Variants in NYAP1 observed in about 807,000 individuals in gnomAD.
NYAP1 encodes the protein neuronal tyrosine-phosphorylated phosphoinositide-3-kinase adapter 1.
NYAP1 carries 20 observed loss-of-function variants against 58.6 expected under a neutral mutation model. That is an observed-to-expected ratio of 0.34 (90% CI 0.24 to 0.50). NYAP1 has a LOEUF of 0.50. Ranked by LOEUF, NYAP1 falls within the 20% of genes least tolerant of loss-of-function variation. The pLI is 0.98. For missense variants in NYAP1, 1,150 were observed against 1,194.5 expected (o/e 0.96, Z 0.55); for synonymous variants, 572 against 523.1 (o/e 1.09, Z -1.27).
chr7:100,494,068 C>T lies in NYAP1; in HGVS notation c.*165C>T. The T allele has an allele frequency of 1.6e-6, 1 of 618,510 alleles. No homozygotes were observed. Among genetic ancestry groups the T allele is most frequent in the Non-Finnish European group, 2.6e-6 (1 of 383,202 alleles). The allele number at this position is 618,510 out of a possible 1,614,324, so 38.3% of individuals were successfully genotyped here. A position where few individuals can be genotyped will look rare whatever the true frequency, so the allele number is the denominator to read the frequency against. On this transcript the variant is annotated 3_prime_UTR_variant, in exon 7 of 7. Coordinates refer to ENST00000300179, the MANE Select transcript of NYAP1 (RefSeq NM_173564.4). ...CCGGGATGGGGAGAGTCTGCCAGGC[C>T]CATTGGGCTTAGGATGCCAACAGCG...
chr7:100,491,183 G>C (rs1799792055), intron 6 of NYAP1, 88 bp downstream of exon 6: 1 of 868,390 alleles, frequency 1.2e-6, no homozygotes, highest in Non-Finnish European at 1.8e-6. Flanking sequence ...GCCAGGGCTG[G>C]GCACAGTGGC....
At position 100,494,200 on chromosome 7, in the gene NYAP1, A is replaced by G. The variant is rs1013536726; in HGVS notation, c.*297A>G. ...TACACCCCTCCTCCTGAACCAAGCCAGAGGTCAGCATGGGGAAGGGAGGAA... is the reference window on the plus strand; with the variant it reads ...TACACCCCTCCTCCTGAACCAAGCCGGAGGTCAGCATGGGGAAGGGAGGAA... On this transcript the variant is annotated 3_prime_UTR_variant, in exon 7 of 7. Transcript: ENST00000300179. 7 of 348,734 alleles carry G rather than the reference A, an allele frequency of 2.0e-5. No individual in the cohort carries two copies. Among genetic ancestry groups the G allele is most frequent in the Non-Finnish European group, 3.6e-5 (7 of 193,514 alleles). 21.6% of individuals were successfully genotyped at this position (348,734 alleles called of 1,614,324 possible). A position where few individuals can be genotyped will look rare whatever the true frequency, so the allele number is the denominator to read the frequency against.
rs984961281 is a variant in NYAP1 at position 100,490,887 on chromosome 7, G to C, written c.2159-99G>C. 4.7e-6 allele frequency: 5 copies of C among 1,074,716 alleles called. No individual in the cohort carries two copies. The highest frequency in any genetic ancestry group is 6.7e-6 in the Non-Finnish European group (5 of 749,398). The allele number at this position is 1,074,716 out of a possible 1,614,324, so 66.6% of individuals were successfully genotyped here. A position where few individuals can be genotyped will look rare whatever the true frequency, so the allele number is the denominator to read the frequency against. Reference sequence around the variant, plus strand: ...TCCACCCCTTTTTCCCTTCTGATGAGGCAGGGGCAGCCTGGACCATTCAAG... The same window carrying C: ...TCCACCCCTTTTTCCCTTCTGATGACGCAGGGGCAGCCTGGACCATTCAAG... On this transcript the variant is annotated intron_variant, in intron 5 of 6. Transcript: ENST00000300179. This position sits in a 1 kb window ranked among gnomAD's most constrained non-coding sequence, Gnocchi z 4.6.
chr7:100,493,462 T>A (rs1487629444), intron 6 of NYAP1, among the ~76,000 whole-genome samples, 184 bp from the exon 7 acceptor site: 2 of 152,210 alleles, frequency 1.3e-5, no homozygotes, highest in Non-Finnish European at 2.9e-5. Context: ...GGGCCAAAGC[T>A]GCGCAAGTTG....
At position 100,487,504 on chromosome 7, in the gene NYAP1, G is replaced by A. The variant is rs1473145324; in HGVS notation, c.430+322G>A. On this transcript the variant is annotated intron_variant, in intron 3 of 6. Coordinates refer to ENST00000300179, the MANE Select transcript of NYAP1 (RefSeq NM_173564.4). The surrounding 1 kb of genome is among the most constrained non-coding windows in gnomAD (Gnocchi z 4.1). ...CCCGTGGCTCACGCCCGTAATCTCA[G>A]CACTTTTTTTTTTTTGAGACAGAGT... Among the ~76,000 whole-genome samples, 3 of 151,978 alleles carry A rather than the reference G, an allele frequency of 2.0e-5. No homozygotes were observed. Among genetic ancestry groups the A allele is most frequent in the Non-Finnish European group, 4.4e-5 (3 of 67,992 alleles).
At chr7:100,492,238 CAA>C (rs780264131) in intron 6 of NYAP1, among the ~76,000 whole-genome samples, 17 of 115,572 alleles carry the variant, frequency 1.5e-4, no homozygotes, top group Admixed American at 1.7e-4. Context: ...GACTCTGTCT[CAA>C]AAAAAAAAAA....
In NYAP1 at chr7:100,485,084, A is replaced by T; in HGVS notation, c.-84-144A>T. On this transcript the variant is annotated intron_variant, in intron 1 of 6. Transcript: ENST00000300179. This position sits in a 1 kb window ranked among gnomAD's most constrained non-coding sequence, Gnocchi z 5.7. ...GTGTCTGTCTGTCTGTGGGTCCTCG[A>T]AGCTGTGTTGGGTTTTCTGTCTGTG... 1.8e-6 allele frequency: 1 copy of T among 566,778 alleles called. No individual in the cohort carries two copies. Among genetic ancestry groups the T allele is most frequent in the South Asian group, 2.1e-5 (1 of 47,546 alleles). 35.1% of individuals were successfully genotyped at this position (566,778 alleles called of 1,614,324 possible).
intron 6 of NYAP1, 35 bp downstream of exon 6, chr7:100,491,130 C>T: frequency 7.4e-7 from 1 of 1,358,676 alleles, no homozygotes; most frequent in Non-Finnish European, 1.0e-6. Flanking sequence ...TGTGAAGGAG[C>T]AGGTGGAGAA....
In NYAP1 at chr7:100,488,476, C is replaced by T. The variant is rs539945001; in HGVS notation, c.755C>T (p.Ser252Leu). Reference protein sequence around the residue: ...GGPTPPAGADSDSEESEAIYE... With the variant: ...GGPTPPAGADLDSEESEAIYE... ...CCGACCCCTCCAGCGGGCGCCGACTCGGACTCTGAAGAGAGTGAGGCCATC... is the reference window on the plus strand; with the variant it reads ...CCGACCCCTCCAGCGGGCGCCGACTTGGACTCTGAAGAGAGTGAGGCCATC... Residue 252 changes from serine (S) to leucine (L), a missense_variant, in exon 4 of 7, where the codon TCG becomes TTG. By Grantham distance (145) the Ser-to-Leu change is moderately radical. Transcript: ENST00000300179. The surrounding 1 kb of genome is among the most constrained non-coding windows in gnomAD (Gnocchi z 5.9). 1.9e-5 allele frequency: 31 copies of T among 1,611,940 alleles called. 1 individual carries two copies. Among genetic ancestry groups the T allele is most frequent in the Admixed American group, 1.0e-4 (6 of 59,928 alleles).
intron 6 of NYAP1, among the ~76,000 whole-genome samples, chr7:100,491,395 G>A (rs1291746805): frequency 2.0e-5 from 3 of 152,066 alleles, no homozygotes; most frequent in South Asian, 2.1e-4. Context: ...CCAGGAGGTC[G>A]AGACCAGCCT....
At position 100,485,824 on chromosome 7, in the gene NYAP1, T is replaced by G. The variant is rs1214757075; in HGVS notation, c.68+445T>G. 6.6e-6 allele frequency among the ~76,000 whole-genome samples: 1 copy of G among 152,064 alleles called. No homozygotes were observed. The highest frequency in any genetic ancestry group is 1.5e-5 in the Non-Finnish European group (1 of 67,996). On this transcript the variant is annotated intron_variant, in intron 2 of 6. Coordinates refer to ENST00000300179, the MANE Select transcript of NYAP1 (RefSeq NM_173564.4). The surrounding 1 kb of genome is among the most constrained non-coding windows in gnomAD (Gnocchi z 5.7). ...CTGCTGGGGGAGGTGAGTGGTCAAG[T>G]GATGGGGTTGTGTGTGTGGTGGGCA...
Position 100,487,253 on chromosome 7 carries a change from C to T in NYAP1, c.430+71C>T, listed in dbSNP as rs1799718302. The T allele has an allele frequency of 6.3e-6, 9 of 1,418,944 alleles. No individual in the cohort carries two copies. Among genetic ancestry groups the T allele is most frequent in the Admixed American group, 2.8e-5 (1 of 35,312 alleles). 87.9% of individuals were successfully genotyped at this position (1,418,944 alleles called of 1,614,324 possible). On this transcript the variant is annotated intron_variant, in intron 3 of 6. Transcript: ENST00000300179. The surrounding 1 kb of genome is among the most constrained non-coding windows in gnomAD (Gnocchi z 4.1). ...AGGATCTATTCCACGCCCGGGGAGG[C>T]TTGCCGGGAGGGTTCATTCAGGGAA... is the stretch of plus-strand genomic sequence containing the variant.
Position 100,488,341 on chromosome 7 carries a change from A to G in NYAP1, c.620A>G (p.Asp207Gly). Residue 207 changes from aspartate to glycine, a missense_variant, in exon 4 of 7, where the codon GAT becomes GGT. Physicochemically the swap from Asp to Gly is moderately conservative, Grantham distance 94. Transcript: ENST00000300179. This position sits in a 1 kb window ranked among gnomAD's most constrained non-coding sequence, Gnocchi z 5.9. ...GGGTCCCGAGTAGCTGGGGACCCTG[A>G]TGTGGGTGCCCAGGAAGAGCCTGTG... ...TRGSRVAGDP[D>G]VGAQEEPVYI... is the part of the protein sequence containing the mutation. 1 of 1,606,604 alleles carries G rather than the reference A, an allele frequency of 6.2e-7. No homozygotes were observed.
chr7:100,492,553 C>T (rs1799810202), intron 6 of NYAP1, among the ~76,000 whole-genome samples: 1 of 152,124 alleles, frequency 6.6e-6, no homozygotes, highest in African/African-American at 2.4e-5. Flanking sequence ...ACTACGATCC[C>T]ACCACAGCAC....
chr7:100,494,055 G>A lies in NYAP1; in HGVS notation c.*152G>A. ...TCCAACCTACCCCCCGGGATGGGGA[G>A]AGTCTGCCAGGCCCATTGGGCTTAG... On this transcript the variant is annotated 3_prime_UTR_variant, in exon 7 of 7. Transcript: ENST00000300179. 1.5e-6 allele frequency: 1 copy of A among 664,934 alleles called. No individual in the cohort carries two copies. Among genetic ancestry groups the A allele is most frequent in the Non-Finnish European group, 2.4e-6 (1 of 423,494 alleles). 41.2% of individuals were successfully genotyped at this position (664,934 alleles called of 1,614,324 possible).
Position 100,491,080 on chromosome 7 carries a change from G to T in NYAP1, c.2253G>T (p.Arg751Ser). ...CACCCCGGCCCTGCAGCCAGCCCAG[G>T]GATGCCCTGAGCCAGGTGAGGCTTG... ...LHTPRPCSQP[R>S]DALSQPHPAL... is the part of the protein sequence containing the mutation. The change falls in exon 6 of 7, where the codon AGG (arginine) becomes AGT (serine). Residue 751 changes from arginine (R) to serine (S), a missense_variant. Coordinates refer to ENST00000300179, the MANE Select transcript of NYAP1 (RefSeq NM_173564.4). 1 of 1,556,644 alleles carries T rather than the reference G, an allele frequency of 6.4e-7. No individual in the cohort carries two copies. The highest frequency in any genetic ancestry group is 1.4e-5 in the African/African-American group (1 of 73,432).
In NYAP1 at chr7:100,490,482, A is replaced by G; in HGVS notation, c.1946-35A>G. ...AGAGGGACAGAATGACGCCTCCAACATGCAGGCACACAGCTCTCCTTGTCA... is the reference window on the plus strand; with the variant it reads ...AGAGGGACAGAATGACGCCTCCAACGTGCAGGCACACAGCTCTCCTTGTCA... On this transcript the variant is annotated intron_variant, in intron 4 of 6. Coordinates refer to ENST00000300179, the MANE Select transcript of NYAP1 (RefSeq NM_173564.4). This position sits in a 1 kb window ranked among gnomAD's most constrained non-coding sequence, Gnocchi z 4.6. 4 of 1,534,966 alleles carry G rather than the reference A, an allele frequency of 2.6e-6. No homozygotes were observed. The highest frequency in any genetic ancestry group is 3.5e-6 in the Non-Finnish European group (4 of 1,129,416).
chr7:100,492,965 A>C (rs939628855), intron 6 of NYAP1, among the ~76,000 whole-genome samples: 6 of 152,186 alleles, frequency 3.9e-5, no homozygotes, highest in South Asian at 2.1e-4. Flanking sequence ...AGAGAGAAAG[A>C]AAGCAAGCAA....
At position 100,488,824 on chromosome 7, in the gene NYAP1, G is replaced by T. The variant is rs1192129907; in HGVS notation, c.1103G>T (p.Gly368Val). The T allele has an allele frequency of 6.3e-7, 1 of 1,575,298 alleles. No individual in the cohort carries two copies. The highest frequency in any genetic ancestry group is 1.9e-5 in the Admixed American group (1 of 52,522). ...PVLCHSKEPA[G>V]STPAPQVPAR... Reference sequence around the variant, plus strand: ...CTCTGCCACTCCAAGGAGCCAGCCGGCTCCACCCCAGCTCCCCAAGTGCCT... The same window carrying T: ...CTCTGCCACTCCAAGGAGCCAGCCGTCTCCACCCCAGCTCCCCAAGTGCCT... Residue 368 changes from glycine to valine, a missense_variant, in exon 4 of 7, where the codon GGC becomes GTC. Gly to Val is a moderately radical substitution (Grantham distance 109, BLOSUM62 -3). Transcript: ENST00000300179. This position sits in a 1 kb window ranked among gnomAD's most constrained non-coding sequence, Gnocchi z 5.9.
Sources: gnomAD v4.1 joint callset for allele counts (sites outside exome capture counted in the v4.1 genomes callset) on GRCh38, gnomAD v4.1.1 for gene constraint, Gnocchi (gnomAD v3.1) non-coding constraint, MANE v1.5 for transcripts, NCBI Gene and HGNC (gene_info 2026-07-23, HGNC 2026-07-21) for gene names.